JPH2: variants seen among roughly 807,000 people sequenced by gnomAD.
JPH2 encodes junctophilin 2.
JPH2 carries 38 observed loss-of-function variants against 55.9 expected under a neutral mutation model. The ratio of observed to expected loss-of-function variants is 0.68; its 90% CI spans 0.52 to 0.89. JPH2 has a LOEUF of 0.89. Ranked by LOEUF, JPH2 falls within the 40% of genes least tolerant of loss-of-function variation. JPH2 has a pLI of 0.00. For missense variants in JPH2, 964 were observed against 1,037.6 expected (o/e 0.93, Z 0.97); for synonymous variants, 480 against 472.4 (o/e 1.02, Z -0.21).
chr20:44,127,486 T>A (rs1472649672), intron 2 of JPH2, among the ~76,000 whole-genome samples: 1 of 140,628 alleles, frequency 7.1e-6, no homozygotes, highest in Non-Finnish European at 1.6e-5. Flanking sequence ...ATATCATCCT[T>A]CTTTTTTTTT....
intron 2 of JPH2, among the ~76,000 whole-genome samples, chr20:44,123,054 G>C (rs1205491181): frequency 1.3e-5 from 2 of 152,166 alleles, no homozygotes; most frequent in African/African-American, 4.8e-5. Context: ...CACAGCCCTG[G>C]AAGATTCTGG....
At chr20:44,139,533 T>A (rs1402506782) in intron 2 of JPH2, among the ~76,000 whole-genome samples, 2 of 151,748 alleles carry the variant, frequency 1.3e-5, no homozygotes, top group African/African-American at 2.4e-5. Context: ...CATGAATAGA[T>A]CTCCAATATA....
intron 2 of JPH2, among the ~76,000 whole-genome samples, chr20:44,126,636 G>T (rs899089802): frequency 6.6e-6 from 1 of 152,142 alleles, no homozygotes. Flanking sequence ...CGCCCCCAAG[G>T]ATGCAGGTGC....
chr20:44,167,009 G>A (rs1025631793), intron 1 of JPH2, among the ~76,000 whole-genome samples: 2 of 152,054 alleles, frequency 1.3e-5, no homozygotes, highest in Non-Finnish European at 2.9e-5. Context: ...CCCACCTTGG[G>A]GCCTTTGCAC....
intron 2 of JPH2, among the ~76,000 whole-genome samples, chr20:44,133,228 T>A (rs2072337171): frequency 6.8e-6 from 1 of 147,840 alleles, no homozygotes; most frequent in African/African-American, 2.5e-5. Flanking sequence ...TTCTTTAAAC[T>A]CTCCCCAATT....
At chr20:44,126,172 A>AGGG (rs2072275127) in intron 2 of JPH2, among the ~76,000 whole-genome samples, 1 of 42,388 alleles carries the variant, frequency 2.4e-5, no homozygotes. Flanking sequence ...GGGAGGGAGG[A>AGGG]AGGAAGGAAG....
intron 2 of JPH2, among the ~76,000 whole-genome samples, chr20:44,156,740 G>A (rs908174548): frequency 6.6e-6 from 1 of 152,142 alleles, no homozygotes; most frequent in Non-Finnish European, 1.5e-5. Context: ...ATTAGTCTCA[G>A]AACTAATCAC....
intron 2 of JPH2, among the ~76,000 whole-genome samples, chr20:44,145,614 A>AT (rs1347488338): frequency 1.3e-5 from 2 of 152,152 alleles, no homozygotes; most frequent in Non-Finnish European, 2.9e-5. Flanking sequence ...AAAAAAAAAA[A>AT]AAAAAGTAAA....
chr20:44,181,202 A>G (rs2145899554), intron 1 of JPH2, among the ~76,000 whole-genome samples: 1 of 152,264 alleles, frequency 6.6e-6, no homozygotes, highest in African/African-American at 2.4e-5. Context: ...GATGGGAATG[A>G]CAGGGCTTTG....
intron 2 of JPH2, among the ~76,000 whole-genome samples, chr20:44,151,791 C>CATCTCTA (rs2072532693): frequency 6.6e-6 from 1 of 152,200 alleles, no homozygotes; most frequent in Non-Finnish European, 1.5e-5. Flanking sequence ...TTCTCGGCCT[C>CATCTCTA]ATCTCTAATC....
chr20:44,141,699 G>C (rs771863631), intron 2 of JPH2, among the ~76,000 whole-genome samples: 6 of 152,038 alleles, frequency 3.9e-5, no homozygotes, highest in Non-Finnish European at 7.4e-5. Context: ...TGTAGAGACA[G>C]GGTCTCACTG....
Position 44,116,337 on chromosome 20 carries a change from C to CA in JPH2, c.1337_1338insT (p.Glu447GlyfsTer30). On this transcript the variant is annotated frameshift_variant, in exon 4 of 6. Transcript: ENST00000372980. LOFTEE classifies it high-confidence loss of function. ...GGTCGGGGGGCTCCAGCAGGCTCTC[C>CA]GAGTTCTCCAGGATCTCCTGCAGCA... is the stretch of plus-strand genomic sequence containing the variant. The CA allele has an allele frequency of 6.5e-7, 1 of 1,546,416 alleles. No homozygotes were observed. Among genetic ancestry groups the CA allele is most frequent in the Non-Finnish European group, 8.7e-7 (1 of 1,146,494 alleles).
At position 44,118,561 on chromosome 20, in the gene JPH2, T is replaced by G. The variant is rs2072210824; in HGVS notation, c.1232A>C (p.Glu411Ala). Residue 411 changes from glutamate to alanine, a missense_variant, in exon 3 of 6, where the codon GAG becomes GCG. Glu to Ala is a moderately radical substitution (Grantham distance 107). Coordinates refer to ENST00000372980, the MANE Select transcript of JPH2 (RefSeq NM_020433.5). ...GGCCAAAGTGCGAGCAATGTTGGAC[T>G]CCTGGTTGGCAGCCAGGGCGGCCTG... ...AEQAALAANQ[E>A]SNIARTLARE... 3.1e-6 allele frequency: 5 copies of G among 1,613,268 alleles called. No homozygotes were observed. Among genetic ancestry groups the G allele is most frequent in the Non-Finnish European group, 4.2e-6 (5 of 1,180,042 alleles).
chr20:44,163,776 C>T (rs6031429), intron 1 of JPH2, among the ~76,000 whole-genome samples: 4 of 152,174 alleles, frequency 2.6e-5, no homozygotes, highest in Non-Finnish European at 5.9e-5. Flanking sequence ...ACAACTGATC[C>T]TTGGGCTTTA....
At chr20:44,144,590 G>T (rs1341666660) in intron 2 of JPH2, among the ~76,000 whole-genome samples, 1 of 152,152 alleles carries the variant, frequency 6.6e-6, no homozygotes, top group African/African-American at 2.4e-5. Flanking sequence ...TCGAAAGCAT[G>T]GCCAGGCACC....
chr20:44,131,902 T>A (rs1012830270), intron 2 of JPH2, among the ~76,000 whole-genome samples: 5 of 152,176 alleles, frequency 3.3e-5, no homozygotes, highest in Admixed American at 2.6e-4. Flanking sequence ...CTCCTACTCA[T>A]CCTTCAGGAC....
chr20:44,178,124 C>CCTG, intron 1 of JPH2: 1 of 704,168 alleles, frequency 1.4e-6, no homozygotes, highest in Non-Finnish European at 2.6e-6. Context: ...TTAGTAATAT[C>CCTG]AGATTCTCTC....
chr20:44,134,597 T>TATAA (rs1351933776), intron 2 of JPH2, among the ~76,000 whole-genome samples: 153 of 14,360 alleles, frequency 0.011, 11 homozygotes, highest in African/African-American at 0.046. Flanking sequence ...TATATAAATA[T>TATAA]ATATTTATTA....
chr20:44,126,349 TG>T (rs954750820), intron 2 of JPH2, among the ~76,000 whole-genome samples: 20 of 152,100 alleles, frequency 1.3e-4, no homozygotes, highest in Non-Finnish European at 2.5e-4. Flanking sequence ...GTTTGGATGA[TG>T]GGGGCAGATA....
Sources: gnomAD v4.1 joint callset for allele counts (sites outside exome capture counted in the v4.1 genomes callset) on GRCh38, gnomAD v4.1.1 for gene constraint, MANE v1.5 for transcripts, NCBI Gene and HGNC (gene_info 2026-07-23, HGNC 2026-07-21) for gene names.